ASB2: variants seen among roughly 807,000 people sequenced by gnomAD.
ASB2 encodes the protein ankyrin repeat and SOCS box containing 2, also known as ankyrin repeat and SOCS box protein 2.
ASB2 carries 58 observed loss-of-function variants against 62.4 expected under a neutral mutation model. The ratio of observed to expected loss-of-function variants is 0.93; its 90% CI spans 0.75 to 1.16. The LOEUF is 1.16. Among genes scored for constraint, ASB2 ranks in the 50% most tolerant of loss-of-function variants. The pLI, the probability that ASB2 is intolerant of heterozygous loss-of-function variation, is 0.00. For synonymous variants in ASB2, 386 were observed against 385.3 expected, an observed-to-expected ratio of 1.00 and a Z score of -0.02; for missense variants, 928 against 887.9, an observed-to-expected ratio of 1.05 and a Z score of -0.57.
Position 93,934,424 on chromosome 14 carries a change from C to T in ASB2, c.*232G>A. On this transcript the variant is annotated 3_prime_UTR_variant, in exon 10 of 10. Transcript: ENST00000555019. ...CCTGAAGGTAGAGAAGGTCTGGGAT[C>T]TGCTCATCAGTTTGTAAACAAATGA... The T allele has an allele frequency of 3.7e-6, 2 of 545,330 alleles. No individual in the cohort carries two copies. Among genetic ancestry groups the T allele is most frequent in the Non-Finnish European group, 3.3e-6 (1 of 303,320 alleles). The allele number at this position is 545,330 out of a possible 1,614,324, so 33.8% of individuals were successfully genotyped here. A position where few individuals can be genotyped will look rare whatever the true frequency, so the allele number is the denominator to read the frequency against.
intron 1 of ASB2, among the ~76,000 whole-genome samples, chr14:93,976,063 C>T (rs1290598861): frequency 6.6e-6 from 1 of 152,238 alleles, no homozygotes; most frequent in East Asian, 1.9e-4. Context: ...TATCTGTGCG[C>T]CTGGCCTGAA....
intron 7 of ASB2, among the ~76,000 whole-genome samples, chr14:93,946,345 C>T (rs1288623605): frequency 2.6e-5 from 4 of 152,228 alleles, no homozygotes; most frequent in African/African-American, 9.6e-5. Context: ...CCCTGTCCAT[C>T]CTTCAAGGGC....
chr14:93,963,236 T>C (rs73339899), intron 2 of ASB2, among the ~76,000 whole-genome samples: 5,030 of 152,296 alleles, frequency 0.033, 285 homozygotes, highest in African/African-American at 0.11. Flanking sequence ...GCTGAGGTTT[T>C]CAGAGGTTAA....
intron 3 of ASB2, among the ~76,000 whole-genome samples, chr14:93,956,058 T>C (rs115530928): frequency 0.01 from 1,557 of 152,310 alleles, 35 homozygotes; most frequent in African/African-American, 0.036. Flanking sequence ...GCCTCCTCCC[T>C]TCTCTACAAC....
chr14:93,959,356 G>A (rs925978664), intron 2 of ASB2, among the ~76,000 whole-genome samples: 1 of 152,222 alleles, frequency 6.6e-6, no homozygotes, highest in Non-Finnish European at 1.5e-5. Flanking sequence ...ACTGAGATCC[G>A]AGTGCATCCA....
intron 1 of ASB2, among the ~76,000 whole-genome samples, chr14:93,969,142 G>A (rs1383930898): frequency 1.3e-5 from 2 of 152,224 alleles, no homozygotes; most frequent in Non-Finnish European, 2.9e-5. Flanking sequence ...GTTCATGTGT[G>A]TACAGGCTCA....
intron 7 of ASB2, 119 bp from the exon 8 acceptor site, chr14:93,939,791 T>C: frequency 1.2e-6 from 1 of 803,370 alleles, no homozygotes; most frequent in Non-Finnish European, 1.8e-6. Flanking sequence ...GACCGCGGGC[T>C]GCGACGCGGA....
chr14:93,955,960 A>G (rs771052034), intron 3 of ASB2, among the ~76,000 whole-genome samples: 35 of 152,124 alleles, frequency 2.3e-4, no homozygotes, highest in Non-Finnish European at 4.3e-4. Context: ...CAGATTGTCA[A>G]CCACTCCACA....
At chr14:93,959,418 CGTGA>C (rs1185602889) in intron 2 of ASB2, among the ~76,000 whole-genome samples, 2 of 152,158 alleles carry the variant, frequency 1.3e-5, no homozygotes, top group Non-Finnish European at 2.9e-5. Flanking sequence ...GTTACTGAGT[CGTGA>C]GTCTCAGGGC....
In ASB2 at chr14:93,939,307, G is replaced by C. The variant is rs1360559987; in HGVS notation, c.1418C>G (p.Thr473Arg). ...GGTGGCGGGGAAGGCGGTGGGGTGC[G>C]TGGCGATATAGGCGTCGATGTTCGC... Reference protein sequence around the residue: ...HGANIDAYIATHPTAFPATIM... With the variant: ...HGANIDAYIARHPTAFPATIM... The change falls in exon 8 of 10, where the codon ACG (threonine) becomes AGG (arginine). Residue 473 changes from threonine (T) to arginine (R), a missense_variant. Transcript: ENST00000555019. 2 of 1,609,494 alleles carry C rather than the reference G, an allele frequency of 1.2e-6. No homozygotes were observed. Among genetic ancestry groups the C allele is most frequent in the Non-Finnish European group, 1.7e-6 (2 of 1,176,884 alleles).
chr14:93,947,906 A>G (rs1888797852), intron 6 of ASB2, among the ~76,000 whole-genome samples: 1 of 144,744 alleles, frequency 6.9e-6, no homozygotes, highest in Non-Finnish European at 1.5e-5. Flanking sequence ...AGGCAGGAGA[A>G]TCGCTTGAAC....
At chr14:93,955,596 G>C (rs1480227204) in intron 3 of ASB2, 1 of 169,956 alleles carries the variant, frequency 5.9e-6, no homozygotes, top group Non-Finnish European at 1.3e-5. Context: ...GAAGGGAGGA[G>C]GGCTGGCTTT....
chr14:93,941,850 C>T (rs1385302791), intron 7 of ASB2, among the ~76,000 whole-genome samples: 1 of 152,282 alleles, frequency 6.6e-6, no homozygotes, highest in African/African-American at 2.4e-5. Flanking sequence ...CTTACTGCGG[C>T]AGGACTCTGC....
intron 1 of ASB2, among the ~76,000 whole-genome samples, chr14:93,970,963 A>G (rs959093624): frequency 6.6e-6 from 1 of 152,198 alleles, no homozygotes; most frequent in Non-Finnish European, 1.5e-5. Flanking sequence ...ACAGGTCCCA[A>G]GATGCTGCGA....
At chr14:93,935,667 G>A (rs1199366095) in intron 9 of ASB2, among the ~76,000 whole-genome samples, 2 of 152,208 alleles carry the variant, frequency 1.3e-5, no homozygotes, top group Non-Finnish European at 2.9e-5. Flanking sequence ...AGTCATGCAA[G>A]CCTGGGGCTG....
Position 93,934,758 on chromosome 14 carries a change from C to T in ASB2, c.1806G>A (p.Leu602=), listed in dbSNP as rs1888213328. 2 of 1,613,492 alleles carry T rather than the reference C, an allele frequency of 1.2e-6. No homozygotes were observed. The highest frequency in any genetic ancestry group is 1.7e-5 in the Admixed American group (1 of 60,000). The change falls in exon 10 of 10, where the codon CTG becomes CTA. Residue 602 remains leucine (L), a synonymous_variant. Coordinates refer to ENST00000555019, the MANE Select transcript of ASB2 (RefSeq NM_001202429.2). ...PPRPLAHLCR[L]RVRKAIGKYR... is the part of the protein sequence containing the mutation. ...ATTTCCCAATGGCCTTTCGAACCCG[C>T]AGTCGGCAAAGGTGAGCCAGAGGTC...
At chr14:93,969,280 G>A (rs2141319933) in intron 1 of ASB2, among the ~76,000 whole-genome samples, 1 of 152,310 alleles carries the variant, frequency 6.6e-6, no homozygotes, top group African/African-American at 2.4e-5. Flanking sequence ...GGCGTCTCCT[G>A]GGGGACAGGT....
chr14:93,939,722 C>T (rs1440819824), intron 7 of ASB2, 50 bp from the exon 8 acceptor site: 4 of 1,304,360 alleles, frequency 3.1e-6, no homozygotes, highest in Non-Finnish European at 4.0e-6. Flanking sequence ...GGGGTGTGGA[C>T]GGGTAGGGCC....
In ASB2 at chr14:93,934,780, G is replaced by C; in HGVS notation, c.1784C>G (p.Pro595Arg). The C allele has an allele frequency of 6.2e-7, 1 of 1,613,322 alleles. No individual in the cohort carries two copies. Among genetic ancestry groups the C allele is most frequent in the Non-Finnish European group, 8.5e-7 (1 of 1,179,256 alleles). Residue 595 changes from proline to arginine, a missense_variant, in exon 10 of 10, where the codon CCT (proline) becomes CGT (arginine). Transcript: ENST00000555019. ...CCGCAGTCGGCAAAGGTGAGCCAGA[G>C]GTCTTGGAGGTTCTGAAAAAAGGAG... ...VIKEKAEPPR[P>R]LAHLCRLRVR... is the part of the protein sequence containing the mutation.
Sources: allele counts gnomAD v4.1 joint callset (sites outside exome capture counted in the v4.1 genomes callset), GRCh38; gene constraint gnomAD v4.1.1; transcripts MANE v1.5; gene names NCBI Gene and HGNC (gene_info 2026-07-23, HGNC 2026-07-21).